Variants in FSD2 observed in about 807,000 individuals in gnomAD.
The protein encoded by FSD2 is fibronectin type III and SPRY domain containing 2, also known as fibronectin type III and SPRY domain-containing protein 2.
A neutral mutation model predicts 80.4 loss-of-function variants in FSD2; 71 were observed. The observed-to-expected ratio is 0.88, with a 90% CI of 0.73 to 1.08. FSD2 has a LOEUF of 1.08. Among genes scored for constraint, FSD2 ranks in the 50% least tolerant of loss-of-function variants. FSD2 has a pLI of 0.00. For missense variants in FSD2, 923 were observed against 913.8 expected (o/e 1.01, Z -0.13); for synonymous variants, 361 against 329.5 (o/e 1.10, Z -1.03).
At chr15:82,797,337 C>T (rs996708726) in intron 1 of FSD2, among the ~76,000 whole-genome samples, 1 of 152,192 alleles carries the variant, frequency 6.6e-6, no homozygotes, top group African/African-American at 2.4e-5. Flanking sequence ...TGTTTGATTA[C>T]GTAGCTAAGC....
Position 82,768,905 on chromosome 15 carries a change from T to G in FSD2, c.1528A>C (p.Ser510Arg). 1 of 1,573,538 alleles carries G rather than the reference T, an allele frequency of 6.4e-7. No homozygotes were observed. Among genetic ancestry groups the G allele is most frequent in the Admixed American group, 1.8e-5 (1 of 54,516 alleles). The change falls in exon 9 of 13, where the codon AGT becomes CGT. Residue 510 changes from serine to arginine, a missense_variant. Ser to Arg is a moderately radical substitution (Grantham distance 110). Coordinates refer to ENST00000334574, the MANE Select transcript of FSD2 (RefSeq NM_001007122.4). ...SYTVELTQAE[S>R]PEASGVTESV... is the part of the protein sequence containing the mutation. The stretch of plus-strand genomic sequence containing the variant: ...TCAGTTACACCCGAGGCTTCTGGAC[T>G]TTCAGCCTGGGTCAGCTCCACAGTG...
intron 1 of FSD2, among the ~76,000 whole-genome samples, chr15:82,801,230 G>A (rs1022568150): frequency 3.9e-5 from 6 of 152,184 alleles, no homozygotes; most frequent in African/African-American, 1.4e-4. Context: ...GGAGGTTCTG[G>A]ATCACAGTGA....
Position 82,765,235 on chromosome 15 carries a change from A to G in FSD2, c.1751T>C (p.Leu584Pro). 1.9e-6 allele frequency: 3 copies of G among 1,612,880 alleles called. No homozygotes were observed. Among genetic ancestry groups the G allele is most frequent in the Non-Finnish European group, 2.5e-6 (3 of 1,179,432 alleles). The change falls in exon 11 of 13, where the codon CTT becomes CCT. Residue 584 changes from leucine to proline, a missense_variant. By Grantham distance (98) the Leu-to-Pro change is moderately conservative (BLOSUM62 -3). Transcript: ENST00000334574. ...TCTCCTTTCACTTCGTACAGCCGTA[A>G]GTCCGTCTTCAGAAATGGTCAGCCA... ...HPWLTISEDG[L>P]TAVRSERRTP... is the part of the protein sequence containing the mutation.
In FSD2 at chr15:82,781,989, G is replaced by A. The variant is rs536769661; in HGVS notation, c.966+806C>T. ...TGAGGCAGGAGAATTGCTTGAACCC[G>A]GGAGGAAGAGGTTGCAGTGAGCCGA... On this transcript the variant is annotated intron_variant, in intron 4 of 12. Coordinates refer to ENST00000334574, the MANE Select transcript of FSD2 (RefSeq NM_001007122.4). Among the ~76,000 whole-genome samples the A allele has an allele frequency of 2.9e-3, 429 of 147,356 alleles. 3 individuals carry two copies. The highest frequency in any genetic ancestry group is 0.01 in the African/African-American group (404 of 39,864).
chr15:82,785,394 G>A (rs1273045464), intron 3 of FSD2, among the ~76,000 whole-genome samples: 5 of 150,744 alleles, frequency 3.3e-5, no homozygotes, highest in African/African-American at 9.8e-5. Context: ...GTGTGATCTC[G>A]GCTCACTGCA....
chr15:82,801,895 C>G (rs1382136988), intron 1 of FSD2, among the ~76,000 whole-genome samples: 1 of 152,176 alleles, frequency 6.6e-6, no homozygotes, highest in East Asian at 1.9e-4. Context: ...CAAACAGGAT[C>G]AGGTCCACCC....
intron 7 of FSD2, among the ~76,000 whole-genome samples, chr15:82,770,839 C>T (rs908883920): frequency 8.5e-5 from 13 of 152,092 alleles, no homozygotes; most frequent in Non-Finnish European, 1.9e-4. Context: ...GATATCATTT[C>T]CTTTATAGTA....
At chr15:82,766,738 CAAAA>C (rs560358115) in intron 9 of FSD2, among the ~76,000 whole-genome samples, 3 of 96,150 alleles carry the variant, frequency 3.1e-5, no homozygotes, top group Non-Finnish European at 6.6e-5. Context: ...GAGACTGTCT[CAAAA>C]AAAAAAAAAA....
chr15:82,786,534 C>T lies in FSD2; in HGVS notation c.712G>A (p.Glu238Lys), dbSNP rs1352275842. 1 of 1,613,378 alleles carries T rather than the reference C, an allele frequency of 6.2e-7. No homozygotes were observed. The highest frequency in any genetic ancestry group is 8.5e-7 in the Non-Finnish European group (1 of 1,179,624). The change falls in exon 3 of 13, where the codon GAG becomes AAG. Residue 238 changes from glutamate (E) to lysine (K), a missense_variant. By Grantham distance (56) the Glu-to-Lys change is moderately conservative. Coordinates refer to ENST00000334574, the MANE Select transcript of FSD2 (RefSeq NM_001007122.4). ...IEMENFANHL[E>K]EVFITVEENF... The stretch of plus-strand genomic sequence containing the variant: ...ACCTCCACAGTGATGAAAACCTCCT[C>T]CAAATGATTTGCAAAGTTTTCCATC...
intron 3 of FSD2, 75 bp from the exon 4 acceptor site, chr15:82,783,100 T>A: frequency 9.1e-7 from 1 of 1,093,454 alleles, no homozygotes; most frequent in South Asian, 1.5e-5. Flanking sequence ...TTTTTGTTTT[T>A]TTGTTTGTTT....
At chr15:82,774,753 C>T (rs1357160311) in intron 6 of FSD2, among the ~76,000 whole-genome samples, 9 of 150,660 alleles carry the variant, frequency 6.0e-5, no homozygotes, top group Non-Finnish European at 1.0e-4. Flanking sequence ...GACGGAGTCT[C>T]GCTCTGTCAC....
intron 6 of FSD2, among the ~76,000 whole-genome samples, chr15:82,776,279 C>T (rs533482144): frequency 2.6e-5 from 4 of 152,128 alleles, no homozygotes; most frequent in Admixed American, 6.6e-5. Flanking sequence ...AGAGTGAAAC[C>T]CTATTTCAAA....
At chr15:82,766,175 G>C in intron 9 of FSD2, 144 bp from the exon 10 acceptor site, 2 of 878,096 alleles carry the variant, frequency 2.3e-6, no homozygotes, top group Non-Finnish European at 3.3e-6. Flanking sequence ...ATAGCCAGGA[G>C]TGCTGGCTCC....
chr15:82,802,178 G>A lies in FSD2; in HGVS notation c.-79+3788C>T, dbSNP rs74434228. Among the ~76,000 whole-genome samples, 1,468 of 152,230 alleles carry A rather than the reference G, an allele frequency of 9.6e-3. 17 individuals carry two copies. The highest frequency in any genetic ancestry group is 0.032 in the African/African-American group (1,346 of 41,518). On this transcript the variant is annotated intron_variant, in intron 1 of 12. Transcript: ENST00000334574. ...GAAGTGTGGCTTCAAGTGAACTAGG[G>A]CACAGCTTCTTCTCACACTGAATCT... is the stretch of plus-strand genomic sequence containing the variant.
chr15:82,778,845 A>G lies in FSD2; in HGVS notation c.1032T>C (p.Ser344=), dbSNP rs1296135641. 2 of 1,613,728 alleles carry G rather than the reference A, an allele frequency of 1.2e-6. No homozygotes were observed. The highest frequency in any genetic ancestry group is 2.2e-5 in the South Asian group (2 of 91,076). The change falls in exon 6 of 13, where the codon TCT becomes TCC. Residue 344 remains serine, a synonymous_variant. Transcript: ENST00000334574. ...TCTGGTCTTCAAACTCAGGCTGTGC[A>G]GAGATTTCCACGTCTGTTTTTGTTT... ...FLKTKTDVEI[S]AQPEFEDQTL...
At chr15:82,785,148 C>T (rs773532201) in intron 3 of FSD2, among the ~76,000 whole-genome samples, 16 of 151,998 alleles carry the variant, frequency 1.1e-4, no homozygotes, top group Non-Finnish European at 1.8e-4. Flanking sequence ...GTCGTCTTGG[C>T]ATCTGGATCA....
chr15:82,761,325 A>G (rs1300752413), intron 12 of FSD2, among the ~76,000 whole-genome samples: 1 of 152,062 alleles, frequency 6.6e-6, no homozygotes, highest in East Asian at 1.9e-4. Flanking sequence ...CTGAAAGTGT[A>G]TTCATTGGCC....
chr15:82,759,355 A>C lies in FSD2; in HGVS notation c.2243T>G (p.Phe748Cys), dbSNP rs2049234925. The C allele has an allele frequency of 6.2e-7, 1 of 1,612,998 alleles. No homozygotes were observed. The highest frequency in any genetic ancestry group is 1.3e-5 in the African/African-American group (1 of 74,864). The change falls in exon 13 of 13, where the codon TTC becomes TGC. Residue 748 changes from phenylalanine to cysteine, a missense_variant. Coordinates refer to ENST00000334574, the MANE Select transcript of FSD2 (RefSeq NM_001007122.4). ...NGISMPKHVT[F>C]Y ...ACTGGACATCAGAATGTTCTAATAGAAAGTGACATGTTTTGGCATTGAAAT... is the reference window on the plus strand; with the variant it reads ...ACTGGACATCAGAATGTTCTAATAGCAAGTGACATGTTTTGGCATTGAAAT...
At chr15:82,782,065 A>AAATAATAATAATAATAATAATAATAAT (rs71455428) in intron 4 of FSD2, among the ~76,000 whole-genome samples, 1 of 107,024 alleles carries the variant, frequency 9.3e-6, no homozygotes, top group African/African-American at 3.9e-5. Flanking sequence ...CTCCATCTCA[A>AAATAATAATAATAATAATAATAATAAT]AATAATAATA....
Sources: allele counts gnomAD v4.1 joint callset (sites outside exome capture counted in the v4.1 genomes callset), GRCh38; gene constraint gnomAD v4.1.1; transcripts MANE v1.5; gene names NCBI Gene and HGNC (gene_info 2026-07-23, HGNC 2026-07-21).